Variants in BMPR1A observed in about 807,000 individuals in gnomAD.
BMPR1A encodes bone morphogenetic protein receptor type 1A.
A neutral mutation model predicts 66.0 loss-of-function variants in BMPR1A; 7 were observed. The observed-to-expected ratio is 0.11, with a 90% confidence interval of 0.06 to 0.20. BMPR1A has a LOEUF of 0.20. BMPR1A is among the 10% of genes least tolerant of loss of function. The pLI is 1.00. For missense variants in BMPR1A, 408 were observed against 669.1 expected, an observed-to-expected ratio of 0.61 and a Z score of 4.31; for synonymous variants, 200 against 229.7, an observed-to-expected ratio of 0.87 and a Z score of 1.17.
At chr10:86,897,278 T>C (rs574069654) in intron 5 of BMPR1A, among the ~76,000 whole-genome samples, 3 of 152,098 alleles carry the variant, frequency 2.0e-5, no homozygotes, top group Non-Finnish European at 2.9e-5. Flanking sequence ...AAATACAAAA[T>C]TGACTTGGGC....
Position 86,785,824 on chromosome 10 carries a change from G to A in BMPR1A, c.-268+28905G>A, listed in dbSNP as rs114663136. Among the ~76,000 whole-genome samples the A allele has an allele frequency of 4.4e-3, 675 of 152,282 alleles. 9 individuals are homozygous for A. The highest frequency in any genetic ancestry group is 0.015 in the African/African-American group (636 of 41,548). Reference sequence around the variant, plus strand: ...CTGGTTCTGCACTTGCACCTTTACAGCTGCGCTTGGCTGGAGAATTAACTT... The same window carrying A: ...CTGGTTCTGCACTTGCACCTTTACAACTGCGCTTGGCTGGAGAATTAACTT... On this transcript the variant is annotated intron_variant, in intron 1 of 12. Transcript: ENST00000372037.
Position 86,921,625 on chromosome 10 carries a change from C to T in BMPR1A, c.1272C>T (p.Pro424=). Residue 424 remains proline, a synonymous_variant, in exon 11 of 13, where the codon CCC becomes CCT. Transcript: ENST00000372037. ...GCCTGAACAAAAACCACTTCCAGCC[C>T]TACATCATGGCTGACATCTACAGCT... ...DESLNKNHFQ[P]YIMADIYSFG... The T allele has an allele frequency of 6.2e-7, 1 of 1,614,202 alleles. No homozygotes were observed. The highest frequency in any genetic ancestry group is 8.5e-7 in the Non-Finnish European group (1 of 1,180,038).
At chr10:86,806,030 C>G (rs374610470) in intron 1 of BMPR1A, among the ~76,000 whole-genome samples, 1 of 152,010 alleles carries the variant, frequency 6.6e-6, no homozygotes, top group East Asian at 1.9e-4. Context: ...TGTTGTGTTT[C>G]ATGACATCAA....
At chr10:86,854,731 A>C (rs1842616420) in intron 2 of BMPR1A, 2 of 230,740 alleles carry the variant, frequency 8.7e-6, no homozygotes, top group African/African-American at 4.6e-5. Flanking sequence ...TCTTCATCCA[A>C]AACGTATCAT....
intron 2 of BMPR1A, among the ~76,000 whole-genome samples, chr10:86,857,235 C>T (rs911468191): frequency 6.6e-6 from 1 of 152,124 alleles, no homozygotes; most frequent in Non-Finnish European, 1.5e-5. Flanking sequence ...CATTCTGAGT[C>T]ATCTTGTTAG....
At chr10:86,868,262 C>A (rs1430189861) in intron 2 of BMPR1A, among the ~76,000 whole-genome samples, 1 of 152,220 alleles carries the variant, frequency 6.6e-6, no homozygotes, top group Non-Finnish European at 1.5e-5. Flanking sequence ...TACACTCAGA[C>A]AACTCTTTAA....
At chr10:86,813,846 G>C (rs896738552) in intron 1 of BMPR1A, among the ~76,000 whole-genome samples, 1 of 152,060 alleles carries the variant, frequency 6.6e-6, no homozygotes, top group Non-Finnish European at 1.5e-5. Context: ...TTTTCTAGTA[G>C]ATATCTCTAG....
chr10:86,912,865 CA>C (rs1470939945), intron 8 of BMPR1A, among the ~76,000 whole-genome samples: 3 of 151,926 alleles, frequency 2.0e-5, no homozygotes, highest in African/African-American at 7.3e-5. Flanking sequence ...ATACTACTAC[CA>C]AAACACATAG....
intron 2 of BMPR1A, among the ~76,000 whole-genome samples, chr10:86,839,586 C>CT (rs894858624): frequency 9.7e-6 from 1 of 103,626 alleles, no homozygotes; most frequent in East Asian, 3.4e-4. Flanking sequence ...GAGTGAGACT[C>CT]TGTCTCAAAA....
At chr10:86,766,615 G>GTTTTTTTT (rs1841166421) in intron 1 of BMPR1A, among the ~76,000 whole-genome samples, 2 of 101,154 alleles carry the variant, frequency 2.0e-5, no homozygotes, top group Non-Finnish European at 1.7e-5. Context: ...AATCATATCA[G>GTTTTTTTT]TCTTTTTTTT....
At chr10:86,856,494 T>C (rs1336900226) in intron 2 of BMPR1A, among the ~76,000 whole-genome samples, 2 of 152,190 alleles carry the variant, frequency 1.3e-5, no homozygotes, top group Non-Finnish European at 2.9e-5. Flanking sequence ...TTCCAGAGAA[T>C]AGCAAATTAA....
At chr10:86,811,009 C>A (rs1841962370) in intron 1 of BMPR1A, among the ~76,000 whole-genome samples, 1 of 152,120 alleles carries the variant, frequency 6.6e-6, no homozygotes, top group South Asian at 2.1e-4. Context: ...GCCGGTGAAC[C>A]ACCACAGCAC....
At chr10:86,858,037 A>G (rs1842668178) in intron 2 of BMPR1A, among the ~76,000 whole-genome samples, 1 of 152,178 alleles carries the variant, frequency 6.6e-6, no homozygotes, top group Admixed American at 6.5e-5. Context: ...AAAGAAGAGT[A>G]TGAAAGAGTT....
Sources: gnomAD v4.1 joint callset for allele counts (sites outside exome capture counted in the v4.1 genomes callset) on GRCh38, gnomAD v4.1.1 for gene constraint, MANE v1.5 for transcripts, NCBI Gene and HGNC (gene_info 2026-07-23, HGNC 2026-07-21) for gene names.